The following LMO7 variants were observed in gnomAD, a reference collection of about 807,000 sequenced individuals.
LMO7 encodes the protein LIM domain only protein 7.
In LMO7, 120 loss-of-function variants were observed where a neutral mutation model predicts 206.5. The ratio of observed to expected loss-of-function variants is 0.58; its 90% CI spans 0.50 to 0.68. LMO7 has a LOEUF of 0.68. Among genes scored for constraint, LMO7 ranks in the 30% least tolerant of loss-of-function variants. LMO7 has a pLI of 0.00. For synonymous variants in LMO7, 706 were observed against 681.5 expected, an observed-to-expected ratio of 1.04 and a Z score of -0.56; for missense variants, 1,959 against 1,957.9, an observed-to-expected ratio of 1.00 and a Z score of -0.01.
intron 15 of LMO7, among the ~76,000 whole-genome samples, chr13:75,830,507 T>G (rs978087759): frequency 5.3e-5 from 8 of 152,194 alleles, no homozygotes; most frequent in Non-Finnish European, 1.0e-4. Flanking sequence ...ATGACAGATA[T>G]ACACCTGTAA....
At chr13:75,803,031 A>T (rs540286062) in intron 7 of LMO7, among the ~76,000 whole-genome samples, 2 of 152,324 alleles carry the variant, frequency 1.3e-5, no homozygotes, top group South Asian at 2.1e-4. Context: ...AAAATTCCAC[A>T]TGTATGGATT....
chr13:75,697,604 A>C (rs1163065997), intron 1 of LMO7, among the ~76,000 whole-genome samples: 1 of 152,250 alleles, frequency 6.6e-6, no homozygotes, highest in African/African-American at 2.4e-5. Flanking sequence ...GGGTGGGGAC[A>C]CAGCCAAACC....
At chr13:75,837,634 T>C (rs1234418533) in intron 19 of LMO7, among the ~76,000 whole-genome samples, 1 of 152,240 alleles carries the variant, frequency 6.6e-6, no homozygotes, top group African/African-American at 2.4e-5. Flanking sequence ...CAAAAAATTC[T>C]AGTTAGAAGG....
At chr13:75,629,702 G>T (rs973396682) in intron 2 of LMO7, among the ~76,000 whole-genome samples, 3 of 152,152 alleles carry the variant, frequency 2.0e-5, no homozygotes, top group Non-Finnish European at 4.4e-5. Context: ...GGGCAGGAGT[G>T]GGGAGTGTGT....
chr13:75,836,069 T>G (rs1034686989), intron 18 of LMO7, among the ~76,000 whole-genome samples: 1 of 152,144 alleles, frequency 6.6e-6, no homozygotes, highest in African/African-American at 2.4e-5. Flanking sequence ...TGTTTAAGTG[T>G]TTGAGAATCC....
At chr13:75,807,138 A>G in intron 9 of LMO7, 1 of 215,620 alleles carries the variant, frequency 4.6e-6, no homozygotes. Flanking sequence ...CAAACAAACA[A>G]ACAAACAAAA....
chr13:75,796,100 A>G (rs1002206681), intron 5 of LMO7, among the ~76,000 whole-genome samples: 1 of 152,242 alleles, frequency 6.6e-6, no homozygotes, highest in Non-Finnish European at 1.5e-5. Flanking sequence ...TTATAGGAGT[A>G]AATAGGAAAC....
At chr13:75,691,324 T>C (rs2041458572) in intron 1 of LMO7, among the ~76,000 whole-genome samples, 1 of 152,256 alleles carries the variant, frequency 6.6e-6, no homozygotes, top group Non-Finnish European at 1.5e-5. Flanking sequence ...AGGATGTTTG[T>C]TCAGTTTAGT....
At chr13:75,750,286 ACT>A (rs1177265514) in intron 3 of LMO7, among the ~76,000 whole-genome samples, 1 of 151,738 alleles carries the variant, frequency 6.6e-6, no homozygotes, top group Non-Finnish European at 1.5e-5. Context: ...AAAGAGAAAC[ACT>A]GTCTTAAGTT....
chr13:75,803,493 G>C (rs1365355730), intron 7 of LMO7, among the ~76,000 whole-genome samples: 1 of 152,138 alleles, frequency 6.6e-6, no homozygotes, highest in Non-Finnish European at 1.5e-5. Flanking sequence ...CTGTAGTGTT[G>C]TTCTCCCCCC....
intron 1 of LMO7, among the ~76,000 whole-genome samples, chr13:75,638,163 CGTG>C (rs1381098872): frequency 2.0e-5 from 3 of 152,208 alleles, no homozygotes; most frequent in South Asian, 4.2e-4. Context: ...GAAGGGGAGA[CGTG>C]GGGACATGTT....
intron 1 of LMO7, among the ~76,000 whole-genome samples, chr13:75,696,802 C>A (rs1164530205): frequency 6.6e-6 from 1 of 152,090 alleles, no homozygotes; most frequent in East Asian, 1.9e-4. Flanking sequence ...TCCCAAGCTC[C>A]CATGCCTGCA....
intron 3 of LMO7, among the ~76,000 whole-genome samples, chr13:75,729,559 C>G (rs1306220861): frequency 6.6e-6 from 1 of 151,836 alleles, no homozygotes; most frequent in Non-Finnish European, 1.5e-5. Flanking sequence ...AATATACAAT[C>G]ATGTCATCTG....
intron 1 of LMO7, among the ~76,000 whole-genome samples, chr13:75,681,731 T>TATATATATATAC: frequency 7.6e-6 from 1 of 131,366 alleles, no homozygotes; most frequent in Non-Finnish European, 1.6e-5. Context: ...TATATATATA[T>TATATATATATAC]ATATATATAT....
intron 1 of LMO7, among the ~76,000 whole-genome samples, chr13:75,647,705 A>T (rs941746096): frequency 6.6e-6 from 1 of 151,300 alleles, no homozygotes; most frequent in African/African-American, 2.4e-5. Context: ...ATAAAAAAAA[A>T]TAGAAACTTT....
At chr13:75,846,301 C>T (rs1036565673) in intron 26 of LMO7, among the ~76,000 whole-genome samples, 1 of 152,130 alleles carries the variant, frequency 6.6e-6, no homozygotes, top group African/African-American at 2.4e-5. Flanking sequence ...TTATCCCTTT[C>T]TTTGAGCAGT....
rs1203463518 is a variant in LMO7 at position 75,842,809 on chromosome 13, A to G, written c.4032-42A>G. 8 of 1,246,382 alleles carry G rather than the reference A, an allele frequency of 6.4e-6. No homozygotes were observed. The South Asian group carries it at 8.5e-5, about 13-fold the overall frequency. 77.2% of individuals were successfully genotyped at this position (1,246,382 alleles called of 1,614,324 possible). ...TTTCTTAAACTCAGGGAAGGGCTTAAAGTCTAATATTTTGACAACAAAATC... is the reference window on the plus strand; with the variant it reads ...TTTCTTAAACTCAGGGAAGGGCTTAGAGTCTAATATTTTGACAACAAAATC... On this transcript the variant is annotated intron_variant, in intron 24 of 30. Coordinates refer to ENST00000377534, the MANE Select transcript of LMO7 (RefSeq NM_001306080.2).
intron 20 of LMO7, 92 bp downstream of exon 20, chr13:75,838,288 T>C (rs2059295928): frequency 6.5e-7 from 1 of 1,532,044 alleles, no homozygotes; most frequent in Non-Finnish European, 9.0e-7. Flanking sequence ...GCACTGAGCC[T>C]CTTCAATTTG....
chr13:75,729,174 G>T (rs1329089360), intron 3 of LMO7, among the ~76,000 whole-genome samples: 2 of 148,416 alleles, frequency 1.3e-5, no homozygotes, highest in Admixed American at 1.3e-4. Context: ...AAAGTCATTG[G>T]TAGCTTGATG....
Sources: gnomAD v4.1 joint callset for allele counts (sites outside exome capture counted in the v4.1 genomes callset) on GRCh38, gnomAD v4.1.1 for gene constraint, MANE v1.5 for transcripts, NCBI Gene and HGNC (gene_info 2026-07-23, HGNC 2026-07-21) for gene names.